The following PRCC variants were observed in gnomAD, a reference collection of about 807,000 sequenced individuals.
The protein encoded by PRCC is proline-rich protein PRCC.
A neutral mutation model predicts 44.0 loss-of-function variants in PRCC; 10 were observed. The ratio of observed to expected loss-of-function variants is 0.23; its 90% CI spans 0.14 to 0.39. PRCC has a LOEUF of 0.39. Among genes scored for constraint, PRCC ranks in the 10% least tolerant of loss-of-function variants. The probability of loss-of-function intolerance (pLI) is 1.00; values close to 1 mark genes in which losing one functional copy is unlikely to be tolerated. For missense variants in PRCC, 573 were observed against 624.7 expected (o/e 0.92, Z 0.88); for synonymous variants, 278 against 259.5 (o/e 1.07, Z -0.69).
intron 3 of PRCC, among the ~76,000 whole-genome samples, chr1:156,787,501 G>GT (rs143480655): frequency 6.8e-5 from 8 of 117,446 alleles, no homozygotes; most frequent in African/African-American, 1.1e-4. Context: ...ATATATATCT[G>GT]TTTTTTTTTC....
At chr1:156,770,643 G>A (rs1465923444) in intron 1 of PRCC, among the ~76,000 whole-genome samples, 1 of 152,186 alleles carries the variant, frequency 6.6e-6, no homozygotes, top group African/African-American at 2.4e-5. Context: ...CCAAAGTGCC[G>A]GGATTACAGG....
At position 156,774,157 on chromosome 1, in the gene PRCC, C is replaced by CTTTTT. The variant is rs76271348; in HGVS notation, c.468+5950_468+5954dup. Among the ~76,000 whole-genome samples the CTTTTT allele has an allele frequency of 5.9e-4, 32 of 53,998 alleles. 10 individuals carry two copies. Among genetic ancestry groups the CTTTTT allele is most frequent in the African/African-American group, 6.6e-4 (8 of 12,134 alleles). 35.4% of individuals were successfully genotyped at this position (53,998 alleles called of 152,430 possible). A position where few individuals can be genotyped will look rare whatever the true frequency, so the allele number is the denominator to read the frequency against. On this transcript the variant is annotated intron_variant, in intron 1 of 6. Coordinates refer to ENST00000271526, the MANE Select transcript of PRCC (RefSeq NM_005973.5). ...GAGTTTCTTTCTTTTTTTGAGTCAC[C>CTTTTT]TTTTTTTTTTTTTTTTTTTTTTTTT...
Position 156,786,741 on chromosome 1 carries a change from C to G in PRCC, c.650C>G (p.Pro217Arg). The change falls in exon 3 of 7, where the codon CCC becomes CGC. Residue 217 changes from proline (P) to arginine (R), a missense_variant. Physicochemically the swap from Pro to Arg is moderately radical, Grantham distance 103. Coordinates refer to ENST00000271526, the MANE Select transcript of PRCC (RefSeq NM_005973.5). ...KPSDGSPDTKPSRLASKTKTS... is the reference protein window; with the variant it reads ...KPSDGSPDTKRSRLASKTKTS... Reference sequence around the variant, plus strand: ...TCGGATGGCTCCCCTGATACTAAGCCCTCCAGACTGGCTTCTAAGACCAAG... The same window carrying G: ...TCGGATGGCTCCCCTGATACTAAGCGCTCCAGACTGGCTTCTAAGACCAAG... 1 of 1,614,182 alleles carries G rather than the reference C, an allele frequency of 6.2e-7. No homozygotes were observed. The highest frequency in any genetic ancestry group is 8.5e-7 in the Non-Finnish European group (1 of 1,180,038).
chr1:156,770,654 T>G (rs1651600746), intron 1 of PRCC, among the ~76,000 whole-genome samples: 1 of 152,164 alleles, frequency 6.6e-6, no homozygotes, highest in Non-Finnish European at 1.5e-5. Context: ...GGATTACAGG[T>G]GTGAGCCACC....
At chr1:156,776,948 A>G (rs1473003318) in intron 1 of PRCC, among the ~76,000 whole-genome samples, 2 of 152,226 alleles carry the variant, frequency 1.3e-5, no homozygotes, top group African/African-American at 2.4e-5. Context: ...CTTAGGTGCC[A>G]GGTGCTTAAG....
intron 3 of PRCC, chr1:156,791,432 A>C: frequency 2.0e-6 from 1 of 510,296 alleles, no homozygotes; most frequent in Non-Finnish European, 3.6e-6. Flanking sequence ...GAAGCAGGAG[A>C]GACTGTCTTT....
chr1:156,787,157 G>A lies in PRCC; in HGVS notation c.1066G>A (p.Ala356Thr), dbSNP rs761888870. 26 of 1,603,476 alleles carry A rather than the reference G, an allele frequency of 1.6e-5. No homozygotes were observed. In the East Asian group the frequency reaches 4.9e-4, roughly 30 times the overall value. Residue 356 changes from alanine (A) to threonine (T), a missense_variant, in exon 3 of 7, where the codon GCT (alanine) becomes ACT (threonine). Physicochemically the swap from Ala to Thr is moderately conservative, Grantham distance 58. Around this residue, in one of 4 missense-constraint regions of PRCC, gnomAD observed 141 missense variants for 130.2 expected, o/e 1.08. Coordinates refer to ENST00000271526, the MANE Select transcript of PRCC (RefSeq NM_005973.5). ...TTCCACATATGGCGATGCCAATGCC[G>A]CTGGTGCTTATTATCAGGTGGGTAG... The part of the protein sequence containing the change: ...QFSTYGDANA[A>T]GAYYQDYYSG...
At chr1:156,783,553 C>T (rs984505468) in intron 2 of PRCC, among the ~76,000 whole-genome samples, 1 of 152,116 alleles carries the variant, frequency 6.6e-6, no homozygotes, top group Admixed American at 6.5e-5. Flanking sequence ...TGAGACCAGC[C>T]TGGCCAACAT....
At position 156,800,577 on chromosome 1, in the gene PRCC, C is replaced by A; in HGVS notation, c.*117C>A. 1 of 991,166 alleles carries A rather than the reference C, an allele frequency of 1.0e-6. No individual in the cohort carries two copies. Among genetic ancestry groups the A allele is most frequent in the Non-Finnish European group, 1.6e-6 (1 of 642,006 alleles). 61.4% of individuals were successfully genotyped at this position (991,166 alleles called of 1,614,324 possible). ...AGGATCTCTTTCCCCAAGGACCCAG[C>A]CCTCGCCTCTGCGAGAATGAACATA... is the stretch of plus-strand genomic sequence containing the variant. On this transcript the variant is annotated 3_prime_UTR_variant, in exon 7 of 7. Transcript: ENST00000271526.
rs895577180 is a variant in PRCC at position 156,779,725 on chromosome 1, T to C, written c.469-2557T>C. On this transcript the variant is annotated intron_variant, in intron 1 of 6. Coordinates refer to ENST00000271526, the MANE Select transcript of PRCC (RefSeq NM_005973.5). ...AAAAAATTTCTGAGTGAGGTTCCTC[T>C]TTTATTTTCTATTTCATCTTCTTTT... is the stretch of plus-strand genomic sequence containing the variant. 2.6e-5 allele frequency among the ~76,000 whole-genome samples: 4 copies of C among 152,160 alleles called. No individual in the cohort carries two copies. The East Asian group carries it at 5.8e-4, about 22-fold the overall frequency.
In PRCC at chr1:156,792,081, T is replaced by TTC. The variant is rs59205519; in HGVS notation, c.1179+289_1179+290insTC. On this transcript the variant is annotated intron_variant, in intron 4 of 6. Transcript: ENST00000271526. ...TTTTTTTTTTTTTTTTTTTTTTTTT[T>TTC]GGTAGAGACGGGGTCTTGCTTGTTG... 7.4e-4 allele frequency among the ~76,000 whole-genome samples: 88 copies of TTC among 118,812 alleles called. 1 individual carries two copies. The highest frequency in any genetic ancestry group is 1.4e-3 in the South Asian group (5 of 3,528). The allele number at this position is 118,812 out of a possible 152,430, so 77.9% of individuals were successfully genotyped here.
Position 156,767,681 on chromosome 1 carries a change from C to G in PRCC, c.-91C>G, listed in dbSNP as rs1207795157. On this transcript the variant is annotated 5_prime_UTR_variant, in exon 1 of 7. Transcript: ENST00000271526. ...GCGGACTTTTCGGTTCCCCGCCCCG[C>G]CAGGTGGCGGGGCCTACTAGGCCTC... 1 of 1,345,096 alleles carries G rather than the reference C, an allele frequency of 7.4e-7. No individual in the cohort carries two copies. Among genetic ancestry groups the G allele is most frequent in the African/African-American group, 1.5e-5 (1 of 67,648 alleles). 83.3% of individuals were successfully genotyped at this position (1,345,096 alleles called of 1,614,324 possible).
intron 3 of PRCC, chr1:156,791,068 G>A (rs1021602590): frequency 7.1e-7 from 1 of 1,400,544 alleles, no homozygotes; most frequent in Admixed American, 1.9e-5. Context: ...TTCCTCTAGG[G>A]TCTGCAGCAA....
chr1:156,768,317 G>T, intron 1 of PRCC, 78 bp downstream of exon 1: 1 of 1,405,828 alleles, frequency 7.1e-7, no homozygotes, highest in South Asian at 1.2e-5. Flanking sequence ...GGAGATTTCA[G>T]AACTCCTTCC....
intron 1 of PRCC, among the ~76,000 whole-genome samples, chr1:156,781,124 A>T (rs1159388866): frequency 6.6e-6 from 1 of 152,156 alleles, no homozygotes; most frequent in Non-Finnish European, 1.5e-5. Context: ...CATGGCACAC[A>T]CACGGAATCT....
At chr1:156,771,819 C>T (rs1192168392) in intron 1 of PRCC, among the ~76,000 whole-genome samples, 1 of 152,108 alleles carries the variant, frequency 6.6e-6, no homozygotes, top group African/African-American at 2.4e-5. Context: ...ATGTGAGCCA[C>T]CACGCCTAGC....
At chr1:156,791,528 G>T in intron 3 of PRCC, 169 bp from the exon 4 acceptor site, 1 of 609,158 alleles carries the variant, frequency 1.6e-6, no homozygotes. Context: ...TTGAGTTGTA[G>T]GTCGGTCCTT....
Position 156,774,676 on chromosome 1 carries a change from G to A in PRCC, c.468+6437G>A, listed in dbSNP as rs535100417. On this transcript the variant is annotated intron_variant, in intron 1 of 6. Coordinates refer to ENST00000271526, the MANE Select transcript of PRCC (RefSeq NM_005973.5). Reference sequence around the variant, plus strand: ...TATGTTTTTAAACAATTTTTTTGCTGGGCATGGTGGCTCACGCCTGTAAAC... The same window carrying A: ...TATGTTTTTAAACAATTTTTTTGCTAGGCATGGTGGCTCACGCCTGTAAAC... Among the ~76,000 whole-genome samples, 10 of 151,844 alleles carry A rather than the reference G, an allele frequency of 6.6e-5. No individual in the cohort carries two copies. In the South Asian group the frequency reaches 1.9e-3, roughly 28 times the overall value.
Position 156,800,546 on chromosome 1 carries a change from A to G in PRCC, c.*86A>G. 2 of 1,367,134 alleles carry G rather than the reference A, an allele frequency of 1.5e-6. No individual in the cohort carries two copies. The highest frequency in any genetic ancestry group is 2.3e-5 in the South Asian group (2 of 85,872). 84.7% of individuals were successfully genotyped at this position (1,367,134 alleles called of 1,614,324 possible). ...TCACCTCTGGGACCCCAGCTGCTCT[A>G]AGCCCAGGATCTCTTTCCCCAAGGA... On this transcript the variant is annotated 3_prime_UTR_variant, in exon 7 of 7. Transcript: ENST00000271526.
Sources: allele counts gnomAD v4.1 joint callset (sites outside exome capture counted in the v4.1 genomes callset), GRCh38; gene constraint gnomAD v4.1.1; regional missense constraint gnomAD v4.1.1; transcripts MANE v1.5; gene names NCBI Gene and HGNC (gene_info 2026-07-23, HGNC 2026-07-21).